NDUFB3: variants seen among roughly 807,000 people sequenced by gnomAD.
NDUFB3 encodes the protein NADH:ubiquinone oxidoreductase subunit B3.
In NDUFB3, 7 loss-of-function variants were observed where a neutral mutation model predicts 9.0. That is an observed-to-expected ratio of 0.78 (90% CI 0.44 to 1.46). NDUFB3 has a LOEUF of 1.46. NDUFB3 is among the 40% of genes most tolerant of loss of function. The pLI is 0.01. For missense variants in NDUFB3, 93 were observed against 115.4 expected (o/e 0.81, Z 0.89); for synonymous variants, 29 against 38.5 (o/e 0.75, Z 0.91).
intron 1 of NDUFB3, among the ~76,000 whole-genome samples, chr2:201,075,135 CAGG>C (rs200258275): frequency 0.019 from 2,714 of 142,686 alleles, 32 homozygotes; most frequent in African/African-American, 0.029. Context: ...TGCTTGAGGC[CAGG>C]AGTTCAACAG....
chr2:201,083,769 T>C (rs572517468), intron 2 of NDUFB3, among the ~76,000 whole-genome samples: 5 of 152,270 alleles, frequency 3.3e-5, no homozygotes, highest in Non-Finnish European at 7.3e-5. Context: ...TTTTCAAATA[T>C]AAACAAATCT....
chr2:201,072,989 G>GT (rs1401323948), intron 1 of NDUFB3, among the ~76,000 whole-genome samples: 1 of 152,102 alleles, frequency 6.6e-6, no homozygotes, highest in Non-Finnish European at 1.5e-5. Flanking sequence ...TATATAAACA[G>GT]TTATACAGTA....
chr2:201,078,902 A>G lies in NDUFB3; in HGVS notation c.20A>G (p.His7Arg). MAHEHGHEHGHHKMELP... is the reference protein window; with the variant it reads MAHEHGREHGHHKMELP... ...ACAGACATGGCCCATGAACATGGAC[A>G]TGAGCATGGACATCATAAAATGGAA... Residue 7 changes from histidine (H) to arginine (R), a missense_variant, in exon 2 of 3, where the codon CAT becomes CGT. Physicochemically the swap from His to Arg is conservative, Grantham distance 29. Transcript: ENST00000237889. 6.2e-7 allele frequency: 1 copy of G among 1,611,516 alleles called. No homozygotes were observed. Among genetic ancestry groups the G allele is most frequent in the Non-Finnish European group, 8.5e-7 (1 of 1,179,586 alleles).
At chr2:201,077,655 C>T (rs1350704193) in intron 1 of NDUFB3, among the ~76,000 whole-genome samples, 2 of 152,118 alleles carry the variant, frequency 1.3e-5, no homozygotes, top group Admixed American at 1.3e-4. Context: ...AATGTTACCC[C>T]CAAAAGGGGA....
At chr2:201,080,239 AT>A (rs2047208089) in intron 2 of NDUFB3, among the ~76,000 whole-genome samples, 1 of 152,088 alleles carries the variant, frequency 6.6e-6, no homozygotes, top group African/African-American at 2.4e-5. Context: ...CCTCCGTTGA[AT>A]TACCTTAATA....
intron 1 of NDUFB3, among the ~76,000 whole-genome samples, chr2:201,074,560 G>T: frequency 6.7e-6 from 1 of 150,122 alleles, no homozygotes; most frequent in African/African-American, 2.5e-5. Context: ...GGGTTCAAGT[G>T]ATTCTCATTC....
rs764352868 is a variant in NDUFB3 at position 201,085,640 on chromosome 2, T to C, written c.*25T>C. The C allele has an allele frequency of 4.4e-6, 7 of 1,598,390 alleles. No individual in the cohort carries two copies. The highest frequency in any genetic ancestry group is 5.1e-6 in the Non-Finnish European group (6 of 1,172,256). On this transcript the variant is annotated 3_prime_UTR_variant, in exon 3 of 3. Coordinates refer to ENST00000237889, the MANE Select transcript of NDUFB3 (RefSeq NM_002491.3). ...AAGATAATACCTGGAAGCATCATAG[T>C]GGTTTCTTAACTCTCCAAAATAAGA...
chr2:201,078,163 G>A lies in NDUFB3; in HGVS notation c.-2-718G>A, dbSNP rs566554344. On this transcript the variant is annotated intron_variant, in intron 1 of 2. Transcript: ENST00000237889. ...TAAAATTACAAAAAATTAGCCGGGC[G>A]TGGTGGCGGGCACCTGTAGTCCCAG... is the stretch of plus-strand genomic sequence containing the variant. 3.7e-4 allele frequency among the ~76,000 whole-genome samples: 57 copies of A among 152,182 alleles called. No individual in the cohort carries two copies. In the East Asian group the frequency reaches 4.4e-3, roughly 12 times the overall value.
chr2:201,074,654 C>T (rs557730305), intron 1 of NDUFB3, among the ~76,000 whole-genome samples: 1 of 151,784 alleles, frequency 6.6e-6, no homozygotes, highest in South Asian at 2.1e-4. Context: ...ACAGGGTTTC[C>T]CCATGTTGGC....
At chr2:201,080,149 T>C (rs754862258) in intron 2 of NDUFB3, among the ~76,000 whole-genome samples, 4 of 152,198 alleles carry the variant, frequency 2.6e-5, no homozygotes, top group Non-Finnish European at 4.4e-5. Flanking sequence ...TTTTGTGTCA[T>C]ATGAAGTAAG....
In NDUFB3 at chr2:201,083,455, A is replaced by C. The variant is rs147071917; in HGVS notation, c.141-2004A>C. On this transcript the variant is annotated intron_variant, in intron 2 of 2. Coordinates refer to ENST00000237889, the MANE Select transcript of NDUFB3 (RefSeq NM_002491.3). ...CCGCAACCTCTGCCTACCAGGTTCA[A>C]GCGATTCTCCTGCCTCTGCCTCCCG... 1.0e-3 allele frequency among the ~76,000 whole-genome samples: 158 copies of C among 151,008 alleles called. 1 individual carries two copies. Among genetic ancestry groups the C allele is most frequent in the African/African-American group, 3.6e-3 (147 of 41,086 alleles).
chr2:201,073,780 A>T (rs183774255), intron 1 of NDUFB3, among the ~76,000 whole-genome samples: 3,178 of 151,274 alleles, frequency 0.021, 47 homozygotes, highest in African/African-American at 0.037. Flanking sequence ...CAAAAAAAAA[A>T]TTTGTTTTTT....
At chr2:201,073,356 T>A (rs2047118217) in intron 1 of NDUFB3, among the ~76,000 whole-genome samples, 1 of 152,250 alleles carries the variant, frequency 6.6e-6, no homozygotes, top group Non-Finnish European at 1.5e-5. Flanking sequence ...TGTAGTTTTT[T>A]GTTGTATAAT....
At chr2:201,084,953 TATATC>T (rs771771207) in intron 2 of NDUFB3, among the ~76,000 whole-genome samples, 23 of 152,258 alleles carry the variant, frequency 1.5e-4, no homozygotes, top group Non-Finnish European at 2.8e-4. Context: ...TCTGCCAAAA[TATATC>T]ATGCATGAGC....
intron 1 of NDUFB3, among the ~76,000 whole-genome samples, chr2:201,073,357 G>A (rs78856438): frequency 0.028 from 4,327 of 152,128 alleles, 214 homozygotes; most frequent in African/African-American, 0.099. Context: ...GTAGTTTTTT[G>A]TTGTATAATA....
chr2:201,078,218 C>A (rs373137614), intron 1 of NDUFB3, among the ~76,000 whole-genome samples: 2 of 152,108 alleles, frequency 1.3e-5, no homozygotes, highest in Non-Finnish European at 2.9e-5. Flanking sequence ...AGGAGAATGG[C>A]GTGAACCCGG....
intron 2 of NDUFB3, among the ~76,000 whole-genome samples, chr2:201,082,713 T>G (rs1432970298): frequency 1.4e-5 from 2 of 139,316 alleles, no homozygotes; most frequent in Non-Finnish European, 3.1e-5. Context: ...TTTTTTTTTT[T>G]TTTTTTTTTT....
At chr2:201,082,252 C>T (rs1464746837) in intron 2 of NDUFB3, among the ~76,000 whole-genome samples, 1 of 150,378 alleles carries the variant, frequency 6.6e-6, no homozygotes, top group South Asian at 2.1e-4. Context: ...TCAGGCCTGG[C>T]GTTGTTTGTT....
At chr2:201,084,073 A>G (rs908226761) in intron 2 of NDUFB3, among the ~76,000 whole-genome samples, 1 of 151,998 alleles carries the variant, frequency 6.6e-6, no homozygotes, top group Middle Eastern at 3.4e-3. Context: ...GGTGAATCAC[A>G]AGGTCAGAAG....
Sources: gnomAD v4.1 joint callset for allele counts (sites outside exome capture counted in the v4.1 genomes callset) on GRCh38, gnomAD v4.1.1 for gene constraint, MANE v1.5 for transcripts, NCBI Gene and HGNC (gene_info 2026-07-23, HGNC 2026-07-21) for gene names.